Variants in HIVEP3 observed in about 807,000 individuals in gnomAD.
HIVEP3 encodes the protein transcription factor HIVEP3.
In HIVEP3, 49 loss-of-function variants were observed where a neutral mutation model predicts 152.8. The observed-to-expected ratio is 0.32, with a 90% confidence interval of 0.26 to 0.41. The LOEUF (loss-of-function observed/expected upper bound fraction) is 0.41, where lower values mean the gene tolerates loss of function less well. Ranked by LOEUF, HIVEP3 falls within the 10% of genes least tolerant of loss-of-function variation. The pLI, the probability that HIVEP3 is intolerant of heterozygous loss-of-function variation, is 1.00. For synonymous variants in HIVEP3, 1,269 were observed against 1,289.0 expected (o/e 0.98, Z 0.33); for missense variants, 2,790 against 3,103.3 (o/e 0.90, Z 2.40).
rs868168325 is a variant in HIVEP3, at chr1:42,022,050, C to T, written n.119+13757G>A. 4.6e-5 allele frequency among the ~76,000 whole-genome samples: 7 copies of T among 152,284 alleles called. No homozygotes were observed. In the Middle Eastern group the frequency reaches 0.01, roughly 222 times the overall value. On this transcript the variant is annotated intron_variant and non_coding_transcript_variant, in intron 1 of 3. Coordinates refer to the HIVEP3 transcript ENST00000489103. ...AGGTAATAGCAACAGGGCTGGGGCC[C>T]CACAACCAGGAGAAGAGCGAATGCT... is the stretch of plus-strand genomic sequence containing the variant.
intron 2 of HIVEP3, among the ~76,000 whole-genome samples, chr1:41,668,705 G>A (rs1336834052): frequency 6.6e-6 from 1 of 152,086 alleles, no homozygotes; most frequent in Non-Finnish European, 1.5e-5. Context: ...CGTCCTATAA[G>A]CTCTCCTTCA....
intron 3 of HIVEP3, among the ~76,000 whole-genome samples, chr1:41,628,410 A>AGGCTGTGGCCCCTGGAGAGGG (rs1645147809): frequency 6.6e-6 from 1 of 152,096 alleles, no homozygotes; most frequent in African/African-American, 2.4e-5. Context: ...TGGCTTGTGG[A>AGGCTGTGGCCCCTGGAGAGGG]GGCTGTGGCC....
At chr1:41,896,883 T>G (rs966504200) in intron 1 of HIVEP3, among the ~76,000 whole-genome samples, 1 of 152,220 alleles carries the variant, frequency 6.6e-6, no homozygotes, top group Non-Finnish European at 1.5e-5. Context: ...CAAGGCATGC[T>G]TTTTAATGAA....
intron 3 of HIVEP3, among the ~76,000 whole-genome samples, chr1:41,601,881 T>C (rs1644752972): frequency 1.3e-5 from 2 of 152,316 alleles, no homozygotes; most frequent in East Asian, 1.9e-4. Flanking sequence ...TGTAAGCTTG[T>C]TATATATGGC....
chr1:41,536,058 G>C (rs1306429210), intron 5 of HIVEP3, among the ~76,000 whole-genome samples: 1 of 152,124 alleles, frequency 6.6e-6, no homozygotes, highest in Admixed American at 6.5e-5. Flanking sequence ...GACGTGACAC[G>C]TTCCTCTGCT....
intron 1 of HIVEP3, among the ~76,000 whole-genome samples, chr1:41,773,514 G>A (rs1363730212): frequency 3.3e-5 from 5 of 151,964 alleles, no homozygotes; most frequent in Admixed American, 2.0e-4. Context: ...ACACCCTCCC[G>A]GAATCCAGTA....
At chr1:41,931,488 G>A (rs1266854435) in intron 1 of HIVEP3, among the ~76,000 whole-genome samples, 1 of 151,928 alleles carries the variant, frequency 6.6e-6, no homozygotes, top group East Asian at 1.9e-4. Context: ...ACACTTCCTT[G>A]ATTATTATAA....
At chr1:41,981,491 T>C (rs1462243208) in intron 1 of HIVEP3, among the ~76,000 whole-genome samples, 1 of 151,582 alleles carries the variant, frequency 6.6e-6, no homozygotes, top group African/African-American at 2.4e-5. Flanking sequence ...TCTGCTGAGC[T>C]GGCGGCTGGA....
intron 1 of HIVEP3, among the ~76,000 whole-genome samples, chr1:41,782,433 C>T (rs193282918): frequency 1.3e-5 from 2 of 152,220 alleles, no homozygotes; most frequent in East Asian, 3.9e-4. Flanking sequence ...GTAATGTATG[C>T]TTAAAAATGG....
At chr1:41,699,853 G>A (rs1646335102) in intron 2 of HIVEP3, among the ~76,000 whole-genome samples, 1 of 151,974 alleles carries the variant, frequency 6.6e-6, no homozygotes, top group Non-Finnish European at 1.5e-5. Flanking sequence ...GAACCACAGG[G>A]CTGACTGTCT....
intron 5 of HIVEP3, among the ~76,000 whole-genome samples, chr1:41,537,530 G>A (rs899813779): frequency 5.3e-5 from 8 of 152,194 alleles, no homozygotes; most frequent in Admixed American, 1.3e-4. Context: ...TGGCTTGTCC[G>A]CAGTGACACG....
At chr1:41,784,724 G>T (rs542714043) in intron 1 of HIVEP3, among the ~76,000 whole-genome samples, 1 of 152,314 alleles carries the variant, frequency 6.6e-6, no homozygotes, top group East Asian at 1.9e-4. Context: ...GAAGAGCTTG[G>T]CCTAGAATCA....
chr1:41,823,846 G>A (rs1019493948), intron 1 of HIVEP3, among the ~76,000 whole-genome samples: 2 of 152,192 alleles, frequency 1.3e-5, no homozygotes, highest in Admixed American at 1.3e-4. Flanking sequence ...GATCATTCCA[G>A]GAGGGCACTA....
chr1:41,634,699 A>T lies in HIVEP3; in HGVS notation c.-720-5752T>A, dbSNP rs141292839. Among the ~76,000 whole-genome samples, 218 of 152,344 alleles carry T rather than the reference A, an allele frequency of 1.4e-3. 6 individuals carry two copies. In the East Asian group the frequency reaches 0.035, roughly 24 times the overall value. On this transcript the variant is annotated intron_variant, in intron 2 of 8. Transcript: ENST00000372583. ...TAACGAAAATAATGCGAGAAAGCCA[A>T]TATTAATATCAGACAAAATGCAAAA...
intron 2 of HIVEP3, among the ~76,000 whole-genome samples, chr1:41,677,849 C>A (rs1348554313): frequency 1.3e-5 from 2 of 152,160 alleles, no homozygotes; most frequent in Non-Finnish European, 2.9e-5. Flanking sequence ...AGGAAAGGGG[C>A]CTGTTAATAG....
chr1:41,552,619 G>A (rs1461319730), intron 5 of HIVEP3, among the ~76,000 whole-genome samples: 1 of 148,694 alleles, frequency 6.7e-6, no homozygotes, highest in African/African-American at 2.5e-5. Context: ...GTCTATCATT[G>A]TTGGACATTT....
intron 2 of HIVEP3, among the ~76,000 whole-genome samples, chr1:41,633,785 C>T (rs1321731717): frequency 6.6e-6 from 1 of 152,146 alleles, no homozygotes; most frequent in Non-Finnish European, 1.5e-5. Flanking sequence ...AAGAGAACTG[C>T]TAGGCTTCAG....
intron 2 of HIVEP3, among the ~76,000 whole-genome samples, chr1:41,686,408 TCTC>T (rs939914295): frequency 1.1e-4 from 16 of 152,104 alleles, no homozygotes; most frequent in African/African-American, 3.9e-4. Context: ...ACTTAAGTAA[TCTC>T]CTCCAGAACA....
chr1:41,959,042 A>G (rs6677053), intron 1 of HIVEP3, among the ~76,000 whole-genome samples: 15,021 of 152,206 alleles, frequency 0.099, 809 homozygotes, highest in South Asian at 0.19. Context: ...GTCCTTGGCT[A>G]TCCAGGGCTT....
Sources: gnomAD v4.1 joint callset for allele counts (sites outside exome capture counted in the v4.1 genomes callset) on GRCh38, gnomAD v4.1.1 for gene constraint, MANE v1.5 for transcripts, NCBI Gene and HGNC (gene_info 2026-07-23, HGNC 2026-07-21) for gene names.